The following LRIG2 variants were observed in gnomAD, a reference collection of about 807,000 sequenced individuals.
LRIG2 encodes the protein leucine rich repeats and immunoglobulin like domains 2, also known as leucine-rich repeats and immunoglobulin-like domains protein 2.
A neutral mutation model predicts 107.8 loss-of-function variants in LRIG2; 93 were observed. The ratio of observed to expected loss-of-function variants is 0.86; its 90% CI spans 0.73 to 1.03. The LOEUF is 1.03. Among genes scored for constraint, LRIG2 ranks in the 50% least tolerant of loss-of-function variants. LRIG2 has a pLI of 0.00. For missense variants in LRIG2, 1,226 were observed against 1,296.0 expected, an observed-to-expected ratio of 0.95 and a Z score of 0.83; for synonymous variants, 471 against 470.6, an observed-to-expected ratio of 1.00 and a Z score of -0.01.
At chr1:113,081,362 G>A (rs1292810876) in intron 1 of LRIG2, among the ~76,000 whole-genome samples, 1 of 151,552 alleles carries the variant, frequency 6.6e-6, no homozygotes, top group Non-Finnish European at 1.5e-5. Context: ...AGATGGAGGT[G>A]TTTTTAGTGG....
At chr1:113,082,363 G>A (rs1400399351) in intron 1 of LRIG2, among the ~76,000 whole-genome samples, 2 of 152,176 alleles carry the variant, frequency 1.3e-5, no homozygotes, top group African/African-American at 4.8e-5. Context: ...GGGCTTGGTT[G>A]TTACACAATT....
At chr1:113,088,568 C>T (rs1653657684) in intron 1 of LRIG2, among the ~76,000 whole-genome samples, 1 of 152,180 alleles carries the variant, frequency 6.6e-6, no homozygotes, top group African/African-American at 2.4e-5. Context: ...GCATTATGAA[C>T]ACTGTTAGGA....
At chr1:113,083,083 G>T (rs747712461) in intron 1 of LRIG2, among the ~76,000 whole-genome samples, 30 of 151,386 alleles carry the variant, frequency 2.0e-4, no homozygotes, top group Non-Finnish European at 3.8e-4. Flanking sequence ...CTAATTTTGT[G>T]TAGATTTTAT....
rs766380197 is a variant in LRIG2 at position 113,112,609 on chromosome 1, T to C, written c.1929T>C (p.Phe643=). 46 of 1,614,082 alleles carry C rather than the reference T, an allele frequency of 2.8e-5. 1 individual carries two copies. The South Asian group carries it at 4.4e-4, about 15-fold the overall frequency. Residue 643 remains phenylalanine, a synonymous_variant, in exon 14 of 18, where the codon TTT becomes TTC. Coordinates refer to ENST00000361127, the MANE Select transcript of LRIG2 (RefSeq NM_014813.3). ...GGCAGAAAGATGGTGGTACTGACTT[T>C]CCTGCGGCTCGAGAAAGACGCATGC... ...ISWQKDGGTD[F]PAARERRMHV... is the part of the protein sequence containing the mutation.
chr1:113,096,755 T>C (rs1455168677), intron 8 of LRIG2, among the ~76,000 whole-genome samples: 1 of 152,188 alleles, frequency 6.6e-6, no homozygotes, highest in Non-Finnish European at 1.5e-5. Flanking sequence ...ACTGCCGTGG[T>C]AGGAGACCAG....
chr1:113,124,331 G>A lies in LRIG2; in HGVS notation c.*230G>A, dbSNP rs1655399430. The A allele has an allele frequency of 1.8e-6, 1 of 558,822 alleles. No individual in the cohort carries two copies. Among genetic ancestry groups the A allele is most frequent in the African/African-American group, 1.9e-5 (1 of 53,158 alleles). The allele number at this position is 558,822 out of a possible 1,614,324, so 34.6% of individuals were successfully genotyped here. A position where few individuals can be genotyped will look rare whatever the true frequency, so the allele number is the denominator to read the frequency against. On this transcript the variant is annotated 3_prime_UTR_variant, in exon 18 of 18. Coordinates refer to ENST00000361127, the MANE Select transcript of LRIG2 (RefSeq NM_014813.3). ...ATCAAAAATGTGCAGCACCGGCAGA[G>A]GGAAGATACGGGGCAAATGTGCTTC... is the stretch of plus-strand genomic sequence containing the variant.
At position 113,114,602 on chromosome 1, in the gene LRIG2, C is replaced by G. The variant is rs1654919862; in HGVS notation, c.2256C>G (p.Ile752Met). 1 of 1,613,970 alleles carries G rather than the reference C, an allele frequency of 6.2e-7. No individual in the cohort carries two copies. Residue 752 changes from isoleucine to methionine, a missense_variant, in exon 15 of 18, where the codon ATC (isoleucine) becomes ATG (methionine). Ile to Met is a conservative substitution (Grantham distance 10). This residue lies in a region of LRIG2 where 642 missense variants were observed against 712.2 expected (regional missense o/e 0.90). Transcript: ENST00000361127. ...HFFAAANQLLIIVDAGLEDAG... is the reference protein window; with the variant it reads ...HFFAAANQLLMIVDAGLEDAG... Reference sequence around the variant, plus strand: ...TTGCTGCAGCCAATCAGCTTCTCATCATTGTAGATGCCGGGCTAGAAGATG... The same window carrying G: ...TTGCTGCAGCCAATCAGCTTCTCATGATTGTAGATGCCGGGCTAGAAGATG...
intron 13 of LRIG2, among the ~76,000 whole-genome samples, chr1:113,111,750 T>C (rs948501970): frequency 2.0e-5 from 3 of 151,366 alleles, no homozygotes; most frequent in African/African-American, 7.3e-5. Flanking sequence ...TTTTTAATGA[T>C]ACTTTTGAAG....
chr1:113,114,236 C>T (rs1222429470), intron 14 of LRIG2, among the ~76,000 whole-genome samples, 191 bp from the exon 15 acceptor site: 1 of 151,868 alleles, frequency 6.6e-6, no homozygotes, highest in African/African-American at 2.4e-5. Flanking sequence ...GATAGCTTGC[C>T]TAAGCTGGAA....
intron 11 of LRIG2, 184 bp downstream of exon 11, chr1:113,100,672 GC>G (rs1654267823): frequency 2.1e-6 from 1 of 467,420 alleles, no homozygotes; most frequent in Admixed American, 3.3e-5. Context: ...ACATTGAAAA[GC>G]CCAGAGTGTG....
Position 113,073,324 on chromosome 1 carries a change from C to G in LRIG2, c.-83C>G. ...GGGCTTCGGGAGACAGTGCAGCCAC[C>G]GAGCATCTCTGCTGAGCTTCTCCGC... On this transcript the variant is annotated 5_prime_UTR_variant, in exon 1 of 18. Transcript: ENST00000361127. 3 of 1,132,434 alleles carry G rather than the reference C, an allele frequency of 2.6e-6. No homozygotes were observed. Among genetic ancestry groups the G allele is most frequent in the Non-Finnish European group, 3.9e-6 (3 of 762,458 alleles). The allele number at this position is 1,132,434 out of a possible 1,614,324, so 70.1% of individuals were successfully genotyped here. A position where few individuals can be genotyped will look rare whatever the true frequency, so the allele number is the denominator to read the frequency against.
At chr1:113,096,082 C>A in intron 7 of LRIG2, 65 bp downstream of exon 7, 1 of 1,601,822 alleles carries the variant, frequency 6.2e-7, no homozygotes. Flanking sequence ...TAAATCATTC[C>A]CATGGGCAGT....
chr1:113,094,451 A>G lies in LRIG2; in HGVS notation c.628A>G (p.Lys210Glu). 1 of 1,611,704 alleles carries G rather than the reference A, an allele frequency of 6.2e-7. No individual in the cohort carries two copies. Among genetic ancestry groups the G allele is most frequent in the Non-Finnish European group, 8.5e-7 (1 of 1,179,542 alleles). The change falls in exon 5 of 18, where the codon AAG becomes GAG. Residue 210 changes from lysine to glutamate, a missense_variant. Coordinates refer to ENST00000361127, the MANE Select transcript of LRIG2 (RefSeq NM_014813.3). ...TAACCGAATGAGCATGATTCCACCT[A>G]AGATCTTCAAGCTGCCTCACCTCCA... ...NRNRMSMIPPKIFKLPHLQFL... is the reference protein window; with the variant it reads ...NRNRMSMIPPEIFKLPHLQFL...
Position 113,094,371 on chromosome 1 carries a change from A to G in LRIG2, c.548A>G (p.Glu183Gly), listed in dbSNP as rs1447679583. Residue 183 changes from glutamate (E) to glycine (G), a missense_variant, in exon 5 of 18, where the codon GAG becomes GGG. By Grantham distance (98) the Glu-to-Gly change is moderately conservative. This residue lies in a region of LRIG2 where 570 missense variants were observed against 550.2 expected (regional missense o/e 1.04). Coordinates refer to ENST00000361127, the MANE Select transcript of LRIG2 (RefSeq NM_014813.3). ...AGTAATAACAGAATAACCACCTTGG[A>G]GGCTGGTTGCTTCGATAATTTATCA... ...NLSNNRITTL[E>G]AGCFDNLSSS... 2 of 1,612,250 alleles carry G rather than the reference A, an allele frequency of 1.2e-6. No individual in the cohort carries two copies. Among genetic ancestry groups the G allele is most frequent in the Non-Finnish European group, 1.7e-6 (2 of 1,179,344 alleles).
chr1:113,114,361 A>G lies in LRIG2; in HGVS notation c.2081-66A>G, dbSNP rs574940541. On this transcript the variant is annotated intron_variant, in intron 14 of 17. Transcript: ENST00000361127. ...TATTATACCCCCATTGGTCTAATTC[A>G]GTAGAAATTAGGGAATAAAATTGCC... is the stretch of plus-strand genomic sequence containing the variant. 67 of 989,086 alleles carry G rather than the reference A, an allele frequency of 6.8e-5. No individual in the cohort carries two copies. In the East Asian group the frequency reaches 7.8e-4, roughly 11 times the overall value. The allele number at this position is 989,086 out of a possible 1,614,324, so 61.3% of individuals were successfully genotyped here. A position where few individuals can be genotyped will look rare whatever the true frequency, so the allele number is the denominator to read the frequency against.
intron 1 of LRIG2, among the ~76,000 whole-genome samples, chr1:113,089,255 T>G (rs1311610391): frequency 1.3e-5 from 2 of 152,186 alleles, no homozygotes; most frequent in East Asian, 1.9e-4. Context: ...ATACAGCACA[T>G]CTTTTAGGCA....
intron 12 of LRIG2, among the ~76,000 whole-genome samples, chr1:113,108,708 C>A (rs1222875717): frequency 6.6e-6 from 1 of 151,678 alleles, no homozygotes; most frequent in East Asian, 2.0e-4. Context: ...GAAACCCTGA[C>A]TCTACTAAAA....
rs1655660384 is a variant in LRIG2 at position 113,130,403 on chromosome 1, TTAAC to T, written c.*6305_*6308del. ...ATGAAAAGAGATGTGTTAAAAGTCT[TTAAC>T]TACTTAAAGGGTCATCATGAAAAAT... On this transcript the variant is annotated 3_prime_UTR_variant, in exon 18 of 18. Coordinates refer to ENST00000361127, the MANE Select transcript of LRIG2 (RefSeq NM_014813.3). 6.6e-6 allele frequency: 1 copy of T among 152,246 alleles called. No individual in the cohort carries two copies. The highest frequency in any genetic ancestry group is 2.1e-4 in the South Asian group (1 of 4,838). 9.4% of individuals were successfully genotyped at this position (152,246 alleles called of 1,614,324 possible).
At chr1:113,101,679 T>C (rs1211353850) in intron 11 of LRIG2, among the ~76,000 whole-genome samples, 1 of 152,236 alleles carries the variant, frequency 6.6e-6, no homozygotes, top group Non-Finnish European at 1.5e-5. Flanking sequence ...TCAAACTGCC[T>C]AGGTTCAAAT....
Sources: allele counts gnomAD v4.1 joint callset (sites outside exome capture counted in the v4.1 genomes callset), GRCh38; gene constraint gnomAD v4.1.1; regional missense constraint gnomAD v4.1.1; transcripts MANE v1.5; gene names NCBI Gene and HGNC (gene_info 2026-07-23, HGNC 2026-07-21).